Variants in ATR observed in about 807,000 individuals in gnomAD.
ATR encodes the protein serine/threonine-protein kinase ATR.
ATR carries 142 observed loss-of-function variants against 305.3 expected under a neutral mutation model. The observed-to-expected ratio is 0.47, with a 90% CI of 0.41 to 0.53. The LOEUF is 0.53. Among genes scored for constraint, ATR ranks in the 20% least tolerant of loss-of-function variants. ATR has a pLI of 0.00. For synonymous variants in ATR, 1,050 were observed against 1,068.1 expected (o/e 0.98, Z 0.33); for missense variants, 2,135 against 3,133.1 (o/e 0.68, Z 7.60).
rs561250842 is a variant in ATR at position 142,520,730 on chromosome 3, C to A, written c.4267-946G>T. ...GCGCTTCTTAAAAAACAAAAAAAAA[C>A]CCAAAAAGTTTGAAGCAAACAGAGG... is the stretch of plus-strand genomic sequence containing the variant. On this transcript the variant is annotated intron_variant, in intron 23 of 46. Coordinates refer to ENST00000350721, the MANE Select transcript of ATR (RefSeq NM_001184.4). Among the ~76,000 whole-genome samples the A allele has an allele frequency of 7.9e-5, 12 of 151,796 alleles. No homozygotes were observed. The East Asian group carries it at 9.7e-4, about 12-fold the overall frequency.
intron 30 of ATR, among the ~76,000 whole-genome samples, chr3:142,500,556 T>C (rs1431481561): frequency 6.6e-6 from 1 of 152,204 alleles, no homozygotes; most frequent in East Asian, 1.9e-4. Context: ...TATATATCCA[T>C]ATTATAAATA....
In ATR at chr3:142,449,348, G is replaced by T; in HGVS notation, c.*81C>A. The T allele has an allele frequency of 7.5e-7, 1 of 1,340,810 alleles. No homozygotes were observed. The highest frequency in any genetic ancestry group is 1.1e-6 in the Non-Finnish European group (1 of 940,956). The allele number at this position is 1,340,810 out of a possible 1,614,324, so 83.1% of individuals were successfully genotyped here. A position where few individuals can be genotyped will look rare whatever the true frequency, so the allele number is the denominator to read the frequency against. ...GAACGTAAATTTATGTTGTACTTTA[G>T]AATTGAACAGATACAACCACAGATT... On this transcript the variant is annotated 3_prime_UTR_variant, in exon 47 of 47. Coordinates refer to ENST00000350721, the MANE Select transcript of ATR (RefSeq NM_001184.4).
chr3:142,510,332 C>T (rs978482285), intron 27 of ATR, among the ~76,000 whole-genome samples: 1 of 151,610 alleles, frequency 6.6e-6, no homozygotes, highest in Non-Finnish European at 1.5e-5. Context: ...CCCGTCTCTA[C>T]TAAAAGTACA....
At chr3:142,556,610 CTAA>C in intron 8 of ATR, 35 bp from the exon 9 acceptor site, 1 of 1,592,626 alleles carries the variant, frequency 6.3e-7, no homozygotes, top group Non-Finnish European at 8.6e-7. Context: ...AAGATTTCTA[CTAA>C]TGTTAATTTT....
chr3:142,522,815 G>C lies in ATR; in HGVS notation c.4179C>G (p.Ala1393=), dbSNP rs1437154423. 1 of 1,612,812 alleles carries C rather than the reference G, an allele frequency of 6.2e-7. No individual in the cohort carries two copies. Among genetic ancestry groups the C allele is most frequent in the Non-Finnish European group, 8.5e-7 (1 of 1,179,440 alleles). The change falls in exon 23 of 47, where the codon GCC becomes GCG. Residue 1393 remains alanine (A), a synonymous_variant. Coordinates refer to ENST00000350721, the MANE Select transcript of ATR (RefSeq NM_001184.4). ...TTGTTAGCTCCATCAATAATCCATA[G>C]GCAAAGCTTGAATCTTCTACTCCAG... ...FVTGVEDSSF[A]YGLLMELTRA... is the part of the protein sequence containing the mutation.
chr3:142,525,929 A>C (rs114483264), intron 21 of ATR, among the ~76,000 whole-genome samples: 6 of 152,312 alleles, frequency 3.9e-5, no homozygotes, highest in African/African-American at 9.6e-5. Flanking sequence ...TCTTCTTTTT[A>C]ATAAATTACC....
At chr3:142,513,105 A>G (rs1179747126) in intron 26 of ATR, among the ~76,000 whole-genome samples, 1 of 152,174 alleles carries the variant, frequency 6.6e-6, no homozygotes, top group African/African-American at 2.4e-5. Context: ...AAATATAAAA[A>G]CAGAAGGATT....
chr3:142,567,776 T>C (rs2035122674), intron 2 of ATR, among the ~76,000 whole-genome samples: 2 of 152,194 alleles, frequency 1.3e-5, no homozygotes. Context: ...TCCACATGAT[T>C]GGTACTGGAC....
chr3:142,485,640 A>G (rs887310892), intron 35 of ATR, among the ~76,000 whole-genome samples: 1 of 152,238 alleles, frequency 6.6e-6, no homozygotes, highest in Non-Finnish European at 1.5e-5. Flanking sequence ...GTGTGTATAT[A>G]CACATATATC....
chr3:142,573,341 G>A lies in ATR; in HGVS notation c.60-5187C>T, dbSNP rs138373825. On this transcript the variant is annotated intron_variant, in intron 1 of 46. Coordinates refer to ENST00000350721, the MANE Select transcript of ATR (RefSeq NM_001184.4). ...GGGCGCCTATAATCCTAGTTACTTG[G>A]GAAGCTGTGGCACTGAGGCAGGAGA... Among the ~76,000 whole-genome samples the A allele has an allele frequency of 1.4e-4, 22 of 151,774 alleles. No homozygotes were observed. The East Asian group carries it at 4.3e-3, about 29-fold the overall frequency.
intron 17 of ATR, among the ~76,000 whole-genome samples, chr3:142,541,776 T>C (rs182200272): frequency 1.1e-4 from 17 of 152,232 alleles, no homozygotes; most frequent in Admixed American, 3.9e-4. Flanking sequence ...AGTAGTTGGT[T>C]GGGGGATTGA....
intron 28 of ATR, among the ~76,000 whole-genome samples, chr3:142,506,408 A>C (rs928299436): frequency 6.6e-6 from 1 of 152,204 alleles, no homozygotes; most frequent in African/African-American, 2.4e-5. Context: ...AAAATAACAG[A>C]AGAAGCCAGG....
intron 32 of ATR, among the ~76,000 whole-genome samples, chr3:142,497,493 T>G (rs1393019892): frequency 6.6e-6 from 1 of 151,958 alleles, no homozygotes; most frequent in Non-Finnish European, 1.5e-5. Flanking sequence ...GAGTTCAAGG[T>G]TGCAGTGAGC....
At chr3:142,478,015 T>A (rs2108295741) in intron 36 of ATR, among the ~76,000 whole-genome samples, 1 of 152,340 alleles carries the variant, frequency 6.6e-6, no homozygotes, top group Non-Finnish European at 1.5e-5. Context: ...AGTCTATCAA[T>A]TTTGTTGATC....
chr3:142,523,771 C>T (rs2033256059), intron 22 of ATR, among the ~76,000 whole-genome samples: 1 of 152,072 alleles, frequency 6.6e-6, no homozygotes, highest in Non-Finnish European at 1.5e-5. Context: ...TATTAGGAAG[C>T]TTTATTTACA....
In ATR at chr3:142,488,676, A is replaced by G. The variant is rs1577556134; in HGVS notation, c.6079-3394T>C. Among the ~76,000 whole-genome samples the G allele has an allele frequency of 3.3e-5, 5 of 152,278 alleles. No individual in the cohort carries two copies. In the South Asian group the frequency reaches 1.0e-3, roughly 32 times the overall value. On this transcript the variant is annotated intron_variant, in intron 35 of 46. Transcript: ENST00000350721. ...TAAAGGGTAGATATGGAAATTCCCT[A>G]TACTACTACTAACTTTTTAGAAGTC...
intron 1 of ATR, among the ~76,000 whole-genome samples, chr3:142,572,372 CTTTT>C (rs11318957): frequency 6.3e-3 from 360 of 56,798 alleles, no homozygotes; most frequent in African/African-American, 0.022. Flanking sequence ...CCCGGCCTGA[CTTTT>C]TTTTTTTTTT....
chr3:142,517,754 C>G (rs886392245), intron 24 of ATR, among the ~76,000 whole-genome samples: 1 of 152,096 alleles, frequency 6.6e-6, no homozygotes, highest in Non-Finnish European at 1.5e-5. Flanking sequence ...AAAAACATGA[C>G]AAGTAGGCAG....
chr3:142,559,986 G>T (rs2034818038), intron 6 of ATR, among the ~76,000 whole-genome samples: 2 of 152,092 alleles, frequency 1.3e-5, no homozygotes, highest in African/African-American at 4.8e-5. Flanking sequence ...TTTGGCTTCA[G>T]ACAAAAAAGA....
Sources: gnomAD v4.1 joint callset for allele counts (sites outside exome capture counted in the v4.1 genomes callset) on GRCh38, gnomAD v4.1.1 for gene constraint, MANE v1.5 for transcripts, NCBI Gene and HGNC (gene_info 2026-07-23, HGNC 2026-07-21) for gene names.